EBF2: variants seen among roughly 807,000 people sequenced by gnomAD.
The protein encoded by EBF2 is EBF transcription factor 2.
In EBF2, 21 loss-of-function variants were observed where a neutral mutation model predicts 72.8. The observed-to-expected ratio is 0.29, with a 90% CI of 0.20 to 0.42. EBF2 has a LOEUF of 0.42. Ranked by LOEUF, EBF2 falls within the 10% of genes least tolerant of loss-of-function variation. The probability of loss-of-function intolerance (pLI) is 1.00; values close to 1 mark genes in which losing one functional copy is unlikely to be tolerated. For synonymous variants in EBF2, 299 were observed against 274.2 expected (o/e 1.09, Z -0.89); for missense variants, 637 against 731.2 (o/e 0.87, Z 1.49).
At position 26,042,283 on chromosome 8, in the gene EBF2, A is replaced by G. The variant is rs770821299; in HGVS notation, c.132-32T>C. On this transcript the variant is annotated intron_variant, in intron 1 of 15. Coordinates refer to ENST00000520164, the MANE Select transcript of EBF2 (RefSeq NM_022659.4). ...AGGGAGAAAAACGGGGGAACACAAGACACGGGGAAGCACAAAAAGGCGATG... is the reference window on the plus strand; with the variant it reads ...AGGGAGAAAAACGGGGGAACACAAGGCACGGGGAAGCACAAAAAGGCGATG... The G allele has an allele frequency of 2.5e-6, 4 of 1,594,814 alleles. No individual in the cohort carries two copies. The Admixed American group carries it at 7.1e-5, about 28-fold the overall frequency.
chr8:25,943,219 G>A (rs1187159182), intron 6 of EBF2, among the ~76,000 whole-genome samples: 1 of 151,104 alleles, frequency 6.6e-6, no homozygotes, highest in African/African-American at 2.4e-5. Context: ...GTAATCTCAG[G>A]GTTTTGGGAG....
At chr8:26,037,108 ACT>A (rs1455738248) in intron 5 of EBF2, among the ~76,000 whole-genome samples, 1 of 152,054 alleles carries the variant, frequency 6.6e-6, no homozygotes, top group Non-Finnish European at 1.5e-5. Flanking sequence ...TACTTGAAAC[ACT>A]CTCAATTTAT....
intron 5 of EBF2, among the ~76,000 whole-genome samples, chr8:26,033,457 T>C (rs777532250): frequency 2.6e-5 from 4 of 152,226 alleles, no homozygotes; most frequent in Non-Finnish European, 5.9e-5. Context: ...CTTGAACTCC[T>C]GACCTCAGGT....
chr8:25,916,150 G>C (rs906936629), intron 6 of EBF2, among the ~76,000 whole-genome samples: 1 of 151,746 alleles, frequency 6.6e-6, no homozygotes, highest in South Asian at 2.1e-4. Context: ...GCCAGGTGTG[G>C]TGGTGCACAC....
intron 6 of EBF2, among the ~76,000 whole-genome samples, chr8:25,993,806 G>C (rs1429187524): frequency 6.6e-6 from 1 of 151,844 alleles, no homozygotes; most frequent in African/African-American, 2.4e-5. Flanking sequence ...CTTTTGGGGG[G>C]GTGGGGGAAG....
chr8:26,033,012 G>T, intron 6 of EBF2, 73 bp downstream of exon 6: 2 of 1,389,696 alleles, frequency 1.4e-6, no homozygotes, highest in Non-Finnish European at 2.0e-6. Context: ...AAGCTCCATG[G>T]ATCAGTACTC....
rs538870763 is a variant in EBF2, at chr8:25,845,838, A to G, written c.1697-1198T>C. Reference sequence around the variant, plus strand: ...GATCCTTTGCATTTTACTATCTACAATGCATCTAAGGAATTATTCAATATA... The same window carrying G: ...GATCCTTTGCATTTTACTATCTACAGTGCATCTAAGGAATTATTCAATATA... On this transcript the variant is annotated intron_variant, in intron 15 of 15. Coordinates refer to ENST00000520164, the MANE Select transcript of EBF2 (RefSeq NM_022659.4). 3.3e-5 allele frequency among the ~76,000 whole-genome samples: 5 copies of G among 152,290 alleles called. No individual in the cohort carries two copies. In the East Asian group the frequency reaches 9.6e-4, roughly 29 times the overall value.
chr8:25,865,742 C>T (rs73223992), intron 10 of EBF2, among the ~76,000 whole-genome samples: 17,163 of 149,594 alleles, frequency 0.11, 1,036 homozygotes, highest in Middle Eastern at 0.17. Context: ...AGATCTTAAC[C>T]AGGCCAGGCG....
At chr8:25,974,405 T>C (rs1421012047) in intron 6 of EBF2, among the ~76,000 whole-genome samples, 1 of 152,230 alleles carries the variant, frequency 6.6e-6, no homozygotes, top group East Asian at 1.9e-4. Flanking sequence ...TGTATCTCCT[T>C]GTGCTGACTA....
At chr8:26,037,508 A>C (rs529574981) in intron 5 of EBF2, among the ~76,000 whole-genome samples, 1 of 152,282 alleles carries the variant, frequency 6.6e-6, no homozygotes, top group East Asian at 1.9e-4. Context: ...CTAAATTCAC[A>C]CCATCTGGCC....
rs188646142 is a variant in EBF2, at chr8:25,845,486, A to G, written c.1697-846T>C. On this transcript the variant is annotated intron_variant, in intron 15 of 15. Coordinates refer to ENST00000520164, the MANE Select transcript of EBF2 (RefSeq NM_022659.4). ...GGTGATCCACCCACCTCAGCCTCCC[A>G]AAATGTTGGGATTACAGGCATGAGC... Among the ~76,000 whole-genome samples, 266 of 152,274 alleles carry G rather than the reference A, an allele frequency of 1.7e-3. 2 individuals carry two copies. The highest frequency in any genetic ancestry group is 6.2e-3 in the African/African-American group (257 of 41,568).
intron 6 of EBF2, among the ~76,000 whole-genome samples, chr8:25,944,407 T>G (rs1048948966): frequency 3.3e-5 from 5 of 152,124 alleles, no homozygotes; most frequent in Admixed American, 2.6e-4. Context: ...TTCACTCCCC[T>G]GATAAGACTA....
intron 6 of EBF2, among the ~76,000 whole-genome samples, chr8:25,950,924 A>G (rs989754102): frequency 1.3e-5 from 2 of 152,356 alleles, no homozygotes; most frequent in Admixed American, 1.3e-4. Context: ...AATGAAATGA[A>G]GATAAAAGGG....
chr8:25,917,278 C>T (rs1418919810), intron 6 of EBF2, among the ~76,000 whole-genome samples: 1 of 151,178 alleles, frequency 6.6e-6, no homozygotes, highest in Non-Finnish European at 1.5e-5. Context: ...CACCATGAGG[C>T]TCACAGGGAA....
chr8:26,003,832 TCTC>T (rs1043000226), intron 6 of EBF2, among the ~76,000 whole-genome samples: 2 of 152,126 alleles, frequency 1.3e-5, no homozygotes, highest in African/African-American at 4.8e-5. Flanking sequence ...ATTATATCCT[TCTC>T]CTGAAAAATC....
intron 15 of EBF2, among the ~76,000 whole-genome samples, chr8:25,848,819 GC>G: frequency 6.6e-6 from 1 of 152,262 alleles, no homozygotes; most frequent in South Asian, 2.1e-4. Flanking sequence ...TCTGCATTTT[GC>G]CAGTAAGACT....
At chr8:26,037,834 T>C (rs185011017) in intron 5 of EBF2, among the ~76,000 whole-genome samples, 91 of 152,230 alleles carry the variant, frequency 6.0e-4, no homozygotes, top group African/African-American at 1.9e-3. Context: ...AAGTTATTCC[T>C]AAAGAGATTT....
chr8:26,031,914 G>A (rs1805413824), intron 6 of EBF2: 1 of 152,128 alleles, frequency 6.6e-6, no homozygotes, highest in Admixed American at 6.5e-5. Context: ...AAAAAGACCA[G>A]AGCAACCCCA....
Position 26,033,168 on chromosome 8 carries a change from G to A in EBF2, c.483-15C>T, listed in dbSNP as rs1330520470. The A allele has an allele frequency of 1.9e-6, 3 of 1,613,272 alleles. No homozygotes were observed. Among genetic ancestry groups the A allele is most frequent in the African/African-American group, 1.3e-5 (1 of 74,858 alleles). ...CGCAGCATCGACTGTAGATTGGGAA[G>A]GAACCAAGAGTGAAAGAAATTTATT... On this transcript the variant is annotated splice_polypyrimidine_tract_variant and intron_variant, in intron 5 of 15. Coordinates refer to ENST00000520164, the MANE Select transcript of EBF2 (RefSeq NM_022659.4).
Sources: allele counts gnomAD v4.1 joint callset (sites outside exome capture counted in the v4.1 genomes callset), GRCh38; gene constraint gnomAD v4.1.1; transcripts MANE v1.5; gene names NCBI Gene and HGNC (gene_info 2026-07-23, HGNC 2026-07-21).